PCCA: variants seen among roughly 807,000 people sequenced by gnomAD.
PCCA encodes the protein propionyl-CoA carboxylase alpha chain, mitochondrial.
A neutral mutation model predicts 101.3 loss-of-function variants in PCCA; 74 were observed. That is an observed-to-expected ratio of 0.73 (90% CI 0.61 to 0.89). PCCA has a LOEUF of 0.89. Among genes scored for constraint, PCCA ranks in the 40% least tolerant of loss-of-function variants. The pLI is 0.00. For synonymous variants in PCCA, 294 were observed against 313.6 expected (o/e 0.94, Z 0.66); for missense variants, 891 against 907.0 (o/e 0.98, Z 0.23).
chr13:100,319,636 A>G (rs1191045828), intron 16 of PCCA, among the ~76,000 whole-genome samples: 1 of 152,206 alleles, frequency 6.6e-6, no homozygotes, highest in Middle Eastern at 3.2e-3. Context: ...GTCAAAGATC[A>G]GATAGTTGTA....
rs761855747 is a variant in PCCA, at chr13:100,157,318, A to G, written c.446A>G (p.Asn149Ser). The change falls in exon 6 of 24, where the codon AAC becomes AGC. Residue 149 changes from asparagine (N) to serine (S), a missense_variant. Physicochemically the swap from Asn to Ser is conservative, Grantham distance 46. Coordinates refer to ENST00000376285, the MANE Select transcript of PCCA (RefSeq NM_000282.4). ...CCAGGTTATGGATTCCTTTCAGAAA[A>G]CAAAGAATTTGCCAGATGTTTGGTA... Reference protein sequence around the residue: ...VHPGYGFLSENKEFARCLAAE... With the variant: ...VHPGYGFLSESKEFARCLAAE... 2.5e-6 allele frequency: 4 copies of G among 1,611,760 alleles called. No homozygotes were observed. In the South Asian group the frequency reaches 3.3e-5, roughly 13 times the overall value.
intron 6 of PCCA, among the ~76,000 whole-genome samples, chr13:100,202,183 A>AT (rs1198321803): frequency 1.3e-5 from 2 of 151,234 alleles, no homozygotes; most frequent in Non-Finnish European, 2.9e-5. Flanking sequence ...AAAAAAAAAA[A>AT]AAAAACTGGG....
At chr13:100,347,425 A>T (rs766654636) in intron 18 of PCCA, among the ~76,000 whole-genome samples, 4 of 152,018 alleles carry the variant, frequency 2.6e-5, no homozygotes, top group Non-Finnish European at 2.9e-5. Flanking sequence ...TCTTACCTAC[A>T]CTCTTTTTTT....
intron 8 of PCCA, among the ~76,000 whole-genome samples, chr13:100,239,007 T>A (rs2060969366): frequency 6.6e-6 from 1 of 152,186 alleles, no homozygotes; most frequent in Non-Finnish European, 1.5e-5. Flanking sequence ...TTTATGTGAT[T>A]TCCTCCTCTC....
At chr13:100,212,856 A>T (rs1482163844) in intron 7 of PCCA, among the ~76,000 whole-genome samples, 1 of 151,248 alleles carries the variant, frequency 6.6e-6, no homozygotes, top group Non-Finnish European at 1.5e-5. Context: ...CCCATTAACC[A>T]TCCCCACATC....
At chr13:100,337,327 A>C (rs1325612625) in intron 17 of PCCA, among the ~76,000 whole-genome samples, 1 of 152,148 alleles carries the variant, frequency 6.6e-6, no homozygotes, top group Non-Finnish European at 1.5e-5. Flanking sequence ...ATGCAGTGTC[A>C]GTGTGTCTGA....
intron 21 of PCCA, among the ~76,000 whole-genome samples, chr13:100,469,966 G>A (rs529495355): frequency 6.6e-6 from 1 of 152,198 alleles, no homozygotes; most frequent in Non-Finnish European, 1.5e-5. Context: ...AATTTTCTCT[G>A]GGAACTGATT....
At chr13:100,350,895 A>T (rs1430846866) in intron 18 of PCCA, among the ~76,000 whole-genome samples, 2 of 152,120 alleles carry the variant, frequency 1.3e-5, no homozygotes, top group Admixed American at 6.5e-5. Flanking sequence ...ACCTTTCCCA[A>T]TTCATTTTGG....
Position 100,203,706 on chromosome 13 carries a change from T to C in PCCA, c.469-5626T>C, listed in dbSNP as rs566214749. On this transcript the variant is annotated intron_variant, in intron 6 of 23. Transcript: ENST00000376285. ...AAGACAAAAAACAAAAAAAATTATG[T>C]TGGATTTTACCTTGATATTTTATTT... Among the ~76,000 whole-genome samples, 13 of 152,258 alleles carry C rather than the reference T, an allele frequency of 8.5e-5. No individual in the cohort carries two copies. The South Asian group carries it at 2.5e-3, about 29-fold the overall frequency.
chr13:100,491,850 T>C (rs939025649), intron 21 of PCCA: 11 of 885,066 alleles, frequency 1.2e-5, no homozygotes, highest in Admixed American at 4.5e-5. Flanking sequence ...AATAAAAATA[T>C]TTTAGTGAAT....
At chr13:100,183,366 A>T (rs1237707729) in intron 6 of PCCA, among the ~76,000 whole-genome samples, 1 of 152,162 alleles carries the variant, frequency 6.6e-6, no homozygotes, top group African/African-American at 2.4e-5. Context: ...TGTTTGACAT[A>T]CATCTTTTGA....
At chr13:100,207,523 G>A (rs1225320599) in intron 6 of PCCA, among the ~76,000 whole-genome samples, 1 of 151,976 alleles carries the variant, frequency 6.6e-6, no homozygotes, top group Non-Finnish European at 1.5e-5. Context: ...TGGGATTACA[G>A]GCGCATGCCA....
At chr13:100,313,841 A>G (rs1252634349) in intron 16 of PCCA, among the ~76,000 whole-genome samples, 3 of 152,122 alleles carry the variant, frequency 2.0e-5, no homozygotes, top group Non-Finnish European at 4.4e-5. Context: ...TTCCTGCAAA[A>G]AAGCACAATA....
chr13:100,256,498 A>G (rs2152556827), intron 8 of PCCA, among the ~76,000 whole-genome samples: 1 of 152,302 alleles, frequency 6.6e-6, no homozygotes, highest in African/African-American at 2.4e-5. Flanking sequence ...TTTCAAAAAT[A>G]CCAGCCCATA....
chr13:100,267,235 G>T (rs1397907932), intron 10 of PCCA, among the ~76,000 whole-genome samples: 3 of 152,156 alleles, frequency 2.0e-5, no homozygotes, highest in African/African-American at 7.2e-5. Context: ...AATTTAAAAA[G>T]AGGTTGAGAG....
At chr13:100,412,997 T>C (rs2078145421) in intron 19 of PCCA, among the ~76,000 whole-genome samples, 1 of 152,196 alleles carries the variant, frequency 6.6e-6, no homozygotes, top group Non-Finnish European at 1.5e-5. Flanking sequence ...TAAAATATAA[T>C]TAATATTTTA....
At chr13:100,142,333 A>G (rs2051972510) in intron 4 of PCCA, among the ~76,000 whole-genome samples, 3 of 152,252 alleles carry the variant, frequency 2.0e-5, no homozygotes, top group South Asian at 2.1e-4. Flanking sequence ...CCTTCATTCA[A>G]CCATTCAGTT....
At chr13:100,363,231 G>C (rs1046089249) in intron 18 of PCCA, among the ~76,000 whole-genome samples, 1 of 151,818 alleles carries the variant, frequency 6.6e-6, no homozygotes, top group African/African-American at 2.4e-5. Flanking sequence ...CCTGGGAGTT[G>C]TTCCTCCCCT....
At chr13:100,491,798 T>TA in intron 21 of PCCA, 1 of 1,125,992 alleles carries the variant, frequency 8.9e-7, no homozygotes, top group South Asian at 1.8e-5. Context: ...AAATCTCCAA[T>TA]AAATGTAAAT....
Sources: gnomAD v4.1 joint callset for allele counts (sites outside exome capture counted in the v4.1 genomes callset) on GRCh38, gnomAD v4.1.1 for gene constraint, MANE v1.5 for transcripts, NCBI Gene and HGNC (gene_info 2026-07-23, HGNC 2026-07-21) for gene names.